MATN2: variants seen among roughly 807,000 people sequenced by gnomAD.
MATN2 encodes the protein matrilin-2.
In MATN2, 69 loss-of-function variants were observed where a neutral mutation model predicts 103.2. The observed-to-expected ratio is 0.67, with a 90% CI of 0.55 to 0.82. The LOEUF (loss-of-function observed/expected upper bound fraction) is 0.82, where lower values mean the gene tolerates loss of function less well. MATN2 is among the 40% of genes least tolerant of loss of function. The probability of loss-of-function intolerance (pLI) is 0.00; values close to 1 mark genes in which losing one functional copy is unlikely to be tolerated. For synonymous variants in MATN2, 429 were observed against 450.2 expected, an observed-to-expected ratio of 0.95 and a Z score of 0.60; for missense variants, 1,023 against 1,211.5, an observed-to-expected ratio of 0.84 and a Z score of 2.31.
intron 8 of MATN2, chr8:98,004,161 G>A: frequency 4.6e-6 from 1 of 217,748 alleles, no homozygotes; most frequent in Non-Finnish European, 9.6e-6. Flanking sequence ...GGTGGTGGGT[G>A]CCTATAATCC....
chr8:97,899,704 T>A (rs933829804), intron 2 of MATN2, among the ~76,000 whole-genome samples: 1 of 152,172 alleles, frequency 6.6e-6, no homozygotes, highest in African/African-American at 2.4e-5. Flanking sequence ...CAAATCCGGT[T>A]ACCTCCTGAA....
chr8:98,003,834 G>C, intron 8 of MATN2, 51 bp downstream of exon 8: 1 of 1,608,010 alleles, frequency 6.2e-7, no homozygotes, highest in South Asian at 1.1e-5. Flanking sequence ...GTCCACTCAT[G>C]GGGGCGGGCG....
chr8:98,032,987 T>C (rs2130460385), intron 16 of MATN2, 55 bp from the exon 17 acceptor site: 2 of 1,547,772 alleles, frequency 1.3e-6, no homozygotes, highest in East Asian at 4.5e-5. Flanking sequence ...CTGATGGCTG[T>C]TTTATAACCA....
intron 1 of MATN2, 27 bp from the exon 2 acceptor site, chr8:97,888,048 C>A: frequency 6.3e-7 from 1 of 1,582,834 alleles, no homozygotes; most frequent in African/African-American, 1.4e-5. Flanking sequence ...CTCACCCTGC[C>A]CTCTTCTTGT....
rs766623442 is a variant in MATN2 at position 98,016,563 on chromosome 8, G to C, written c.1597G>C (p.Asp533His). 9 of 1,610,022 alleles carry C rather than the reference G, an allele frequency of 5.6e-6. No homozygotes were observed. The highest frequency in any genetic ancestry group is 7.6e-6 in the Non-Finnish European group (9 of 1,177,882). Residue 533 changes from aspartate (D) to histidine (H), a missense_variant, in exon 11 of 19, where the codon GAC becomes CAC. Physicochemically the swap from Asp to His is moderately conservative, Grantham distance 81. Transcript: ENST00000254898. ...CAKLDSCALG[D>H]HGCEHSCVSS... Reference sequence around the variant, plus strand: ...AGAATTGGACTCTTGTGCTCTGGGGGACCACGGTTGTGAACATTCGTGTGT... The same window carrying C: ...AGAATTGGACTCTTGTGCTCTGGGGCACCACGGTTGTGAACATTCGTGTGT...
intron 8 of MATN2, among the ~76,000 whole-genome samples, chr8:98,004,487 T>C (rs1490786863): frequency 6.6e-6 from 1 of 152,210 alleles, no homozygotes; most frequent in African/African-American, 2.4e-5. Context: ...CATGCTTTGA[T>C]TTCCCATTTA....
intron 13 of MATN2, among the ~76,000 whole-genome samples, chr8:98,021,648 G>C (rs1339362321): frequency 6.7e-6 from 1 of 148,548 alleles, no homozygotes; most frequent in Non-Finnish European, 1.5e-5. Context: ...TGGTACTTTA[G>C]GAAAAAAGAG....
chr8:97,919,325 C>T (rs1167348451), intron 2 of MATN2, among the ~76,000 whole-genome samples: 1 of 152,144 alleles, frequency 6.6e-6, no homozygotes, highest in Non-Finnish European at 1.5e-5. Flanking sequence ...CTCTGCCTCT[C>T]AAGTTCAAGC....
intron 2 of MATN2, among the ~76,000 whole-genome samples, chr8:97,916,543 C>T (rs1809635583): frequency 6.6e-6 from 1 of 152,180 alleles, no homozygotes; most frequent in African/African-American, 2.4e-5. Context: ...TCCTCCCACC[C>T]TCTGATGGGC....
chr8:97,938,635 A>T (rs1220676911), intron 3 of MATN2, among the ~76,000 whole-genome samples: 3 of 152,236 alleles, frequency 2.0e-5, no homozygotes, highest in Non-Finnish European at 4.4e-5. Flanking sequence ...GGAGGGATAA[A>T]CTAGATCTAA....
intron 1 of MATN2, among the ~76,000 whole-genome samples, chr8:97,887,222 T>G (rs905910267): frequency 6.6e-6 from 1 of 152,136 alleles, no homozygotes; most frequent in South Asian, 2.1e-4. Flanking sequence ...ATTTAAATTT[T>G]TTTTTTGTAG....
chr8:98,017,552 C>G (rs1234667518), intron 11 of MATN2, among the ~76,000 whole-genome samples: 1 of 152,194 alleles, frequency 6.6e-6, no homozygotes, highest in African/African-American at 2.4e-5. Flanking sequence ...AATAATTACT[C>G]TCTCATTTTT....
At chr8:97,909,592 A>C (rs1406966428) in intron 2 of MATN2, among the ~76,000 whole-genome samples, 2 of 152,188 alleles carry the variant, frequency 1.3e-5, no homozygotes, top group East Asian at 3.9e-4. Context: ...CAGAGAGAAC[A>C]GCAGGCAGGA....
At chr8:97,993,658 T>A (rs1176297724) in intron 6 of MATN2, among the ~76,000 whole-genome samples, 1 of 152,222 alleles carries the variant, frequency 6.6e-6, no homozygotes, top group Non-Finnish European at 1.5e-5. Flanking sequence ...TATGTGCAGC[T>A]GAGCCCAATG....
intron 7 of MATN2, among the ~76,000 whole-genome samples, chr8:98,000,324 TGCGGTGGCTCAC>T (rs1435689368): frequency 1.3e-5 from 2 of 151,336 alleles, no homozygotes; most frequent in African/African-American, 4.9e-5. Context: ...ACAGGCCAGG[TGCGGTGGCTCAC>T]GCCTATAATC....
Position 98,020,409 on chromosome 8 carries a change from G to A in MATN2, c.1820-796G>A, listed in dbSNP as rs753688892. On this transcript the variant is annotated intron_variant, in intron 12 of 18. Coordinates refer to ENST00000254898, the MANE Select transcript of MATN2 (RefSeq NM_002380.5). ...AATCTGCCTGCCTCGGCCTCCCAAA[G>A]TGTTGGGATTACAGGTGTGAACCAC... Among the ~76,000 whole-genome samples the A allele has an allele frequency of 2.6e-5, 4 of 152,352 alleles. No individual in the cohort carries two copies. The South Asian group carries it at 8.3e-4, about 32-fold the overall frequency.
chr8:97,994,231 A>G (rs1812492967), intron 6 of MATN2, among the ~76,000 whole-genome samples: 1 of 131,044 alleles, frequency 7.6e-6, no homozygotes, highest in African/African-American at 2.8e-5. Flanking sequence ...AGGAAGGAGA[A>G]GGGGGAGGAA....
rs554599938 is a variant in MATN2 at position 97,956,208 on chromosome 8, G to A, written c.836-5200G>A. ...TTTATACCCACTTTTTTTTTTTTGAGATGGAGTTTCCCAGGCTGGAGTGCA... is the reference window on the plus strand; with the variant it reads ...TTTATACCCACTTTTTTTTTTTTGAAATGGAGTTTCCCAGGCTGGAGTGCA... On this transcript the variant is annotated intron_variant, in intron 4 of 18. Transcript: ENST00000254898. Among the ~76,000 whole-genome samples, 49 of 151,032 alleles carry A rather than the reference G, an allele frequency of 3.2e-4. No homozygotes were observed. In the South Asian group the frequency reaches 9.4e-3, roughly 29 times the overall value.
intron 7 of MATN2, among the ~76,000 whole-genome samples, chr8:97,998,304 A>G (rs1812660006): frequency 6.6e-6 from 1 of 150,598 alleles, no homozygotes; most frequent in Admixed American, 6.6e-5. Flanking sequence ...GCGGATCACA[A>G]GGTCAGGAGA....
Sources: gnomAD v4.1 joint callset for allele counts (sites outside exome capture counted in the v4.1 genomes callset) on GRCh38, gnomAD v4.1.1 for gene constraint, MANE v1.5 for transcripts, NCBI Gene and HGNC (gene_info 2026-07-23, HGNC 2026-07-21) for gene names.